PAH: variants seen among roughly 807,000 people sequenced by gnomAD.
PAH encodes the protein phenylalanine hydroxylase.
A neutral mutation model predicts 62.0 loss-of-function variants in PAH; 64 were observed. The observed-to-expected ratio is 1.03, with a 90% CI of 0.84 to 1.27. The LOEUF is 1.27. Ranked by LOEUF, PAH falls within the 50% of genes most tolerant of loss-of-function variation. The probability of loss-of-function intolerance (pLI) is 0.00; values close to 1 mark genes in which losing one functional copy is unlikely to be tolerated. For missense variants in PAH, 579 were observed against 542.8 expected (o/e 1.07, Z -0.66); for synonymous variants, 195 against 196.2 (o/e 0.99, Z 0.05).
At chr12:102,918,200 A>G (rs186178382), upstream of PAH, among the ~76,000 whole-genome samples, 1 of 152,310 alleles carries the variant, frequency 6.6e-6, no homozygotes, top group East Asian at 1.9e-4. Flanking sequence ...AGATGCCATT[A>G]ACCACACTTT....
chr12:102,926,450 G>A (rs35479502), intron 1 of PAH, among the ~76,000 whole-genome samples: 16,505 of 151,790 alleles, frequency 0.11, 1,064 homozygotes, highest in East Asian at 0.15. Context: ...GGAGAGAGGT[G>A]TAAGCTGAGT....
chr12:102,889,226 C>T (rs905570060), intron 3 of PAH, among the ~76,000 whole-genome samples: 1 of 152,190 alleles, frequency 6.6e-6, no homozygotes, highest in East Asian at 1.9e-4. Context: ...GGAATCCTAT[C>T]CTCCCTTCAA....
At chr12:102,913,782 G>A in intron 1 of PAH, 1 of 701,262 alleles carries the variant, frequency 1.4e-6, no homozygotes, top group Non-Finnish European at 2.6e-6. Context: ...CTCAAAGAAT[G>A]TCCAGGATCT....
At chr12:102,920,351 T>A (rs919831642), upstream of PAH, among the ~76,000 whole-genome samples, 1 of 152,180 alleles carries the variant, frequency 6.6e-6, no homozygotes, top group Non-Finnish European at 1.5e-5. Context: ...AGAAGAAGCA[T>A]CCACAGTCAG....
chr12:102,912,429 CAT>C (rs1422237472), intron 2 of PAH, among the ~76,000 whole-genome samples: 1 of 152,064 alleles, frequency 6.6e-6, no homozygotes, highest in African/African-American at 2.4e-5. Context: ...ACTGTAATCA[CAT>C]GTGACACATG....
chr12:102,958,325 C>A (rs1327140141), exon 1 of PAH: 4 of 1,472,536 alleles, frequency 2.7e-6, no homozygotes, highest in Non-Finnish European at 2.7e-6. Context: ...TCCTGCCGCC[C>A]GCAGCCTGTT....
intron 1 of PAH, among the ~76,000 whole-genome samples, chr12:102,936,810 G>C (rs2136756597): frequency 6.6e-6 from 1 of 152,224 alleles, no homozygotes; most frequent in East Asian, 1.9e-4. Context: ...AGATCATTGA[G>C]ACTTATTTTT....
At chr12:102,928,761 A>G (rs1403603682) in intron 1 of PAH, among the ~76,000 whole-genome samples, 1 of 152,126 alleles carries the variant, frequency 6.6e-6, no homozygotes, top group Non-Finnish European at 1.5e-5. Context: ...TGTCTGTCTC[A>G]CCAGGGAAAA....
At chr12:102,924,087 A>G (rs760312673) in intron 1 of PAH, among the ~76,000 whole-genome samples, 8 of 152,234 alleles carry the variant, frequency 5.3e-5, no homozygotes, top group Non-Finnish European at 1.2e-4. Context: ...TATAAGGTAA[A>G]GAGGAGGGAA....
intron 1 of PAH, among the ~76,000 whole-genome samples, chr12:102,931,573 A>T (rs530385780): frequency 5.7e-4 from 87 of 152,272 alleles, no homozygotes; most frequent in African/African-American, 2.0e-3. Flanking sequence ...AGGTCCATGA[A>T]TTGTTTCTTA....
intron 1 of PAH, among the ~76,000 whole-genome samples, chr12:102,936,297 T>G (rs1879096705): frequency 6.6e-6 from 1 of 152,208 alleles, no homozygotes; most frequent in South Asian, 2.1e-4. Context: ...TTTTGTGACC[T>G]AAAATATGGT....
chr12:102,846,805 C>A, intron 9 of PAH, 90 bp downstream of exon 9: 1 of 1,068,402 alleles, frequency 9.4e-7, no homozygotes, highest in Non-Finnish European at 1.5e-6. Context: ...CCCAGATAAC[C>A]TGGCTTCCAG....
intron 1 of PAH, among the ~76,000 whole-genome samples, chr12:102,928,863 G>A (rs1477092009): frequency 6.6e-6 from 1 of 152,114 alleles, no homozygotes; most frequent in Non-Finnish European, 1.5e-5. Flanking sequence ...AGCTTTTGCT[G>A]CAAGAGAGCC....
intron 1 of PAH, among the ~76,000 whole-genome samples, chr12:102,932,620 T>G (rs1592997698): frequency 6.6e-6 from 1 of 152,206 alleles, no homozygotes; most frequent in East Asian, 1.9e-4. Flanking sequence ...TAAGCAGCTT[T>G]GGTACCACCA....
At chr12:102,844,171 C>A (rs1377522868) in intron 10 of PAH, among the ~76,000 whole-genome samples, 165 bp downstream of exon 10, 1 of 152,162 alleles carries the variant, frequency 6.6e-6, no homozygotes, top group Non-Finnish European at 1.5e-5. Flanking sequence ...AAACCCACAG[C>A]CATCATCAAA....
chr12:102,921,171 C>G (rs930340586), upstream of PAH, among the ~76,000 whole-genome samples: 1 of 152,138 alleles, frequency 6.6e-6, no homozygotes, highest in Admixed American at 6.5e-5. Context: ...GTGGGTATAC[C>G]TAATATGTGG....
chr12:102,917,044 T>C (rs1427222700), intron 1 of PAH, 27 bp downstream of exon 1: 3 of 1,611,622 alleles, frequency 1.9e-6, no homozygotes, highest in Admixed American at 3.3e-5. Context: ...TTCCCCTAAC[T>C]GAGCAGCTCA....
chr12:102,862,749 T>G (rs1319606985), intron 5 of PAH, among the ~76,000 whole-genome samples: 1 of 152,036 alleles, frequency 6.6e-6, no homozygotes, highest in Non-Finnish European at 1.5e-5. Flanking sequence ...ATCTCAGAAT[T>G]ATGGATCATC....
In PAH at chr12:102,917,235, A is replaced by G; in HGVS notation, c.-105T>C. On this transcript the variant is annotated 5_prime_UTR_variant, in exon 1 of 13. Coordinates refer to ENST00000553106, the MANE Select transcript of PAH (RefSeq NM_000277.3). ...AGGTTTTAACCTCGCACTAGGGAGG[A>G]GAAGAGAGTTACAAAGGGTGTCTCT... 1.1e-6 allele frequency: 1 copy of G among 932,382 alleles called. No homozygotes were observed. The highest frequency in any genetic ancestry group is 1.7e-6 in the Non-Finnish European group (1 of 574,244). The allele number at this position is 932,382 out of a possible 1,614,324, so 57.8% of individuals were successfully genotyped here.
Sources: allele counts gnomAD v4.1 joint callset (sites outside exome capture counted in the v4.1 genomes callset), GRCh38; gene constraint gnomAD v4.1.1; transcripts MANE v1.5; gene names NCBI Gene and HGNC (gene_info 2026-07-23, HGNC 2026-07-21).